Variants in LRRN3 observed in about 807,000 individuals in gnomAD.
The protein encoded by LRRN3 is leucine rich repeat neuronal 3, also known as leucine-rich repeat neuronal protein 3.
Under a neutral mutation model 40.1 loss-of-function variants are expected in LRRN3, and 15 were observed. The observed-to-expected ratio is 0.37, with a 90% confidence interval of 0.25 to 0.58. LRRN3 has a LOEUF of 0.58. Ranked by LOEUF, LRRN3 falls within the 20% of genes least tolerant of loss-of-function variation. The pLI, the probability that LRRN3 is intolerant of heterozygous loss-of-function variation, is 0.72. For synonymous variants in LRRN3, 308 were observed against 297.2 expected, an observed-to-expected ratio of 1.04 and a Z score of -0.37; for missense variants, 746 against 837.7, an observed-to-expected ratio of 0.89 and a Z score of 1.35.
In LRRN3 at chr7:111,124,188, G is replaced by A. The variant is rs868473146; in HGVS notation, c.1416G>A (p.Lys472=). 3 of 1,613,784 alleles carry A rather than the reference G, an allele frequency of 1.9e-6. No individual in the cohort carries two copies. Among genetic ancestry groups the A allele is most frequent in the African/African-American group, 2.7e-5 (2 of 74,884 alleles). Residue 472 remains lysine (K), a synonymous_variant, in exon 3 of 3, where the codon AAG becomes AAA. Transcript: ENST00000308478. The stretch of plus-strand genomic sequence containing the variant: ...TCTTGCCTAATACCCTGACAGACAA[G>A]TTCTATGTCCATTCTGAGGGAACAC... The part of the protein sequence containing the change: ...QKLLPNTLTD[K]FYVHSEGTLD...
intron 2 of LRRN3, among the ~76,000 whole-genome samples, chr7:111,115,365 G>C (rs1246993961): frequency 6.6e-6 from 1 of 152,244 alleles, no homozygotes; most frequent in East Asian, 1.9e-4. Context: ...TGCTATTAAT[G>C]AAGTGCTCAG....
chr7:111,118,281 T>C (rs1034741360), intron 2 of LRRN3, among the ~76,000 whole-genome samples: 2 of 152,080 alleles, frequency 1.3e-5, no homozygotes, highest in East Asian at 1.9e-4. Context: ...CAATATTTCA[T>C]AAATGATGAA....
At chr7:111,121,979 CA>C (rs1230947154) in intron 2 of LRRN3, among the ~76,000 whole-genome samples, 1 of 149,272 alleles carries the variant, frequency 6.7e-6, no homozygotes, top group East Asian at 2.0e-4. Context: ...ATCGCAAGGA[CA>C]AAAAAACCAA....
intron 2 of LRRN3, among the ~76,000 whole-genome samples, chr7:111,102,052 G>C (rs113191240): frequency 5.3e-5 from 8 of 151,038 alleles, no homozygotes; most frequent in Admixed American, 2.0e-4. Context: ...TATGATTAAT[G>C]AGTGAACTCT....
At chr7:111,108,499 T>C (rs214882) in intron 2 of LRRN3, among the ~76,000 whole-genome samples, 13,983 of 152,126 alleles carry the variant, frequency 0.092, 1,474 homozygotes, top group African/African-American at 0.26. Context: ...AATTGAAAAC[T>C]ATATCTCAAG....
intron 1 of LRRN3, among the ~76,000 whole-genome samples, chr7:111,092,208 T>C (rs149074643): frequency 1.4e-3 from 212 of 152,300 alleles, no homozygotes; most frequent in Middle Eastern, 3.4e-3. Flanking sequence ...AAATGTCTGA[T>C]TGCTAATGCA....
In LRRN3 at chr7:111,122,911, T is replaced by A; in HGVS notation, c.139T>A (p.Tyr47Asn). Residue 47 changes from tyrosine to asparagine, a missense_variant, in exon 3 of 3, where the codon TAT becomes AAT. By Grantham distance (143) the Tyr-to-Asn change is moderately radical. Coordinates refer to ENST00000308478, the MANE Select transcript of LRRN3 (RefSeq NM_001099658.2). ...IRPWFTPRSI[Y>N]MEASTVDCND... ...GCCTTGGTTTACACCCAGATCCATT[T>A]ATATGGAAGCATCTACAGTGGATTG... The A allele has an allele frequency of 6.2e-7, 1 of 1,614,078 alleles. No individual in the cohort carries two copies. The highest frequency in any genetic ancestry group is 2.2e-5 in the East Asian group (1 of 44,874).
Position 111,124,257 on chromosome 7 carries a change from T to G in LRRN3, c.1485T>G (p.Thr495=). 1.9e-6 allele frequency: 3 copies of G among 1,614,018 alleles called. No homozygotes were observed. Among genetic ancestry groups the G allele is most frequent in the Non-Finnish European group, 2.5e-6 (3 of 1,179,992 alleles). ...CTCCCAAAGAAGGGGGTTTATATAC[T>G]TGTATAGCAACTAACCTAGTTGGCG... ...GVTPKEGGLY[T]CIATNLVGAD... The change falls in exon 3 of 3, where the codon ACT becomes ACG. Residue 495 remains threonine, a synonymous_variant. Transcript: ENST00000308478.
In LRRN3 at chr7:111,124,876, G is replaced by T. The variant is rs1204838230; in HGVS notation, c.2104G>T (p.Gly702Cys). 6.3e-7 allele frequency: 1 copy of T among 1,596,000 alleles called. No homozygotes were observed. Among genetic ancestry groups the T allele is most frequent in the Non-Finnish European group, 8.5e-7 (1 of 1,175,392 alleles). ...TSLKVKATVI[G>C]LPTNMS ...ACTGAAAGTAAAAGCAACTGTTATAGGTTTACCAACAAATATGTCCTAAAA... is the reference window on the plus strand; with the variant it reads ...ACTGAAAGTAAAAGCAACTGTTATATGTTTACCAACAAATATGTCCTAAAA... Residue 702 changes from glycine (G) to cysteine (C), a missense_variant, in exon 3 of 3, where the codon GGT becomes TGT. Gly to Cys is a radical substitution (Grantham distance 159, BLOSUM62 -3). Transcript: ENST00000308478.
intron 2 of LRRN3, among the ~76,000 whole-genome samples, chr7:111,112,485 G>A (rs779617483): frequency 6.6e-6 from 1 of 151,726 alleles, no homozygotes; most frequent in Non-Finnish European, 1.5e-5. Flanking sequence ...ACAAAAAGAT[G>A]CACAAACATG....
In LRRN3 at chr7:111,125,352, C is replaced by G. The variant is rs1205740749; in HGVS notation, c.*453C>G. The G allele has an allele frequency of 5.9e-6, 1 of 168,408 alleles. No homozygotes were observed. Among genetic ancestry groups the G allele is most frequent in the Non-Finnish European group, 1.4e-5 (1 of 69,180 alleles). 10.4% of individuals were successfully genotyped at this position (168,408 alleles called of 1,614,324 possible). Reference sequence around the variant, plus strand: ...ATGGACAAATTCTGTAGAGTAGACACAGTGAGTATGTGGACCTCTTTTATA... The same window carrying G: ...ATGGACAAATTCTGTAGAGTAGACAGAGTGAGTATGTGGACCTCTTTTATA... On this transcript the variant is annotated 3_prime_UTR_variant, in exon 3 of 3. Coordinates refer to ENST00000308478, the MANE Select transcript of LRRN3 (RefSeq NM_001099658.2).
intron 1 of LRRN3, among the ~76,000 whole-genome samples, chr7:111,098,897 T>A (rs968610278): frequency 6.6e-6 from 1 of 151,782 alleles, no homozygotes; most frequent in African/African-American, 2.4e-5. Context: ...AAGAGTCAGA[T>A]TCTCTATCAA....
intron 2 of LRRN3, among the ~76,000 whole-genome samples, chr7:111,114,695 G>A (rs527999426): frequency 2.3e-4 from 33 of 142,158 alleles, no homozygotes; most frequent in Non-Finnish European, 4.0e-4. Context: ...AGCCGAGATC[G>A]CACCACTGCC....
At chr7:111,093,787 C>T (rs975679624) in intron 1 of LRRN3, among the ~76,000 whole-genome samples, 1 of 152,094 alleles carries the variant, frequency 6.6e-6, no homozygotes, top group Non-Finnish European at 1.5e-5. Context: ...TTGTGTATGA[C>T]TGGAAGATTT....
rs117692564 is a variant in LRRN3, at chr7:111,100,213, T to C, written c.-359+251T>C. On this transcript the variant is annotated intron_variant, in intron 2 of 2. Coordinates refer to ENST00000308478, the MANE Select transcript of LRRN3 (RefSeq NM_001099658.2). ...AATTATTTAGAGGTGATTTCTGAGATTTTGGTGCACCCATCACCCAAGCAG... is the reference window on the plus strand; with the variant it reads ...AATTATTTAGAGGTGATTTCTGAGACTTTGGTGCACCCATCACCCAAGCAG... Among the ~76,000 whole-genome samples the C allele has an allele frequency of 5.2e-3, 784 of 151,642 alleles. 5 individuals carry two copies. The highest frequency in any genetic ancestry group is 8.6e-3 in the Admixed American group (131 of 15,156).
intron 2 of LRRN3, among the ~76,000 whole-genome samples, chr7:111,108,760 CAT>C (rs1416131385): frequency 4.6e-5 from 7 of 152,260 alleles, no homozygotes; most frequent in East Asian, 3.9e-4. Flanking sequence ...ATACAAACCA[CAT>C]GAGTCAATTC....
At chr7:111,096,493 T>C (rs1312028469) in intron 1 of LRRN3, among the ~76,000 whole-genome samples, 1 of 132,202 alleles carries the variant, frequency 7.6e-6, no homozygotes, top group African/African-American at 2.8e-5. Context: ...GCTATTGCTA[T>C]GCCTGAGTTA....
At chr7:111,102,400 G>A (rs2129580422) in intron 2 of LRRN3, among the ~76,000 whole-genome samples, 1 of 151,558 alleles carries the variant, frequency 6.6e-6, no homozygotes, top group South Asian at 2.1e-4. Context: ...CTTAGCTGCT[G>A]GAGTTTAGCA....
intron 2 of LRRN3, among the ~76,000 whole-genome samples, chr7:111,118,100 A>C (rs1357553775): frequency 6.6e-6 from 1 of 152,126 alleles, no homozygotes; most frequent in East Asian, 1.9e-4. Flanking sequence ...TCCTTTGTGC[A>C]TCCACAGAGC....
Sources: gnomAD v4.1 joint callset for allele counts (sites outside exome capture counted in the v4.1 genomes callset) on GRCh38, gnomAD v4.1.1 for gene constraint, MANE v1.5 for transcripts, NCBI Gene and HGNC (gene_info 2026-07-23, HGNC 2026-07-21) for gene names.